The following THRB variants were observed in gnomAD, a reference collection of about 807,000 sequenced individuals.
THRB encodes nuclear receptor subfamily 1 group A member 2.
In THRB, 12 loss-of-function variants were observed where a neutral mutation model predicts 47.8. The observed-to-expected ratio is 0.25, with a 90% CI of 0.16 to 0.41. The LOEUF (loss-of-function observed/expected upper bound fraction) is 0.41. Among genes scored for constraint, THRB ranks in the 10% least tolerant of loss-of-function variants. The pLI, the probability that THRB is intolerant of heterozygous loss-of-function variation, is 1.00. For missense variants in THRB, 348 were observed against 589.2 expected, an observed-to-expected ratio of 0.59 and a Z score of 4.24; for synonymous variants, 218 against 212.2, an observed-to-expected ratio of 1.03 and a Z score of -0.24.
In THRB at chr3:24,382,250, G is replaced by A. The variant is rs137978162; in HGVS notation, c.-260-44879C>T. Among the ~76,000 whole-genome samples the A allele has an allele frequency of 5.5e-4, 84 of 151,932 alleles. No homozygotes were observed. The East Asian group carries it at 0.015, about 28-fold the overall frequency. On this transcript the variant is annotated intron_variant, in intron 1 of 10. Coordinates refer to ENST00000646209, the MANE Select transcript of THRB (RefSeq NM_001354712.2). ...AACTGATAAATTCTAAATACAAAGC[G>A]TCATTAGGAAAAAAAATAAAATAAA...
At chr3:24,170,708 G>GT (rs1367923747) in intron 5 of THRB, among the ~76,000 whole-genome samples, 1 of 152,028 alleles carries the variant, frequency 6.6e-6, no homozygotes, top group African/African-American at 2.4e-5. Context: ...CTTCTCATTT[G>GT]TTTGGATGGA....
At chr3:24,391,866 T>C (rs1038886402) in intron 1 of THRB, among the ~76,000 whole-genome samples, 1 of 152,136 alleles carries the variant, frequency 6.6e-6, no homozygotes, top group Non-Finnish European at 1.5e-5. Context: ...TGACTTACTC[T>C]TCGTAGCGGT....
intron 3 of THRB, among the ~76,000 whole-genome samples, chr3:24,243,726 TTGAC>T (rs1198977761): frequency 6.6e-6 from 1 of 152,130 alleles, no homozygotes; most frequent in Admixed American, 6.5e-5. Flanking sequence ...GCTGCTGTTG[TTGAC>T]TGTTTTTTCT....
chr3:24,326,756 C>CT (rs1174687260), intron 2 of THRB, among the ~76,000 whole-genome samples: 1,035 of 49,958 alleles, frequency 0.021, 218 homozygotes, highest in African/African-American at 0.043. Flanking sequence ...CCAGTCTTGT[C>CT]TTTTTTTTTT....
intron 3 of THRB, among the ~76,000 whole-genome samples, chr3:24,259,026 G>C (rs889948840): frequency 6.6e-6 from 1 of 152,206 alleles, no homozygotes; most frequent in African/African-American, 2.4e-5. Flanking sequence ...TAGCTGAGAA[G>C]CTAACTTGGC....
intron 3 of THRB, among the ~76,000 whole-genome samples, chr3:24,291,883 C>T (rs374062531): frequency 2.2e-4 from 34 of 152,050 alleles, no homozygotes; most frequent in African/African-American, 5.3e-4. Flanking sequence ...ATTTATCCTG[C>T]AGACATAGTC....
chr3:24,214,943 A>G (rs1009353099), intron 4 of THRB, among the ~76,000 whole-genome samples: 1 of 152,204 alleles, frequency 6.6e-6, no homozygotes, highest in African/African-American at 2.4e-5. Flanking sequence ...AGACATAAAT[A>G]TTATCACCCC....
intron 3 of THRB, among the ~76,000 whole-genome samples, chr3:24,277,989 TGC>T (rs2054113737): frequency 2.0e-5 from 3 of 152,220 alleles, no homozygotes; most frequent in Non-Finnish European, 4.4e-5. Context: ...AGTTTCATTA[TGC>T]TGGGTTTTTC....
At chr3:24,277,606 T>C (rs1467155086) in intron 3 of THRB, among the ~76,000 whole-genome samples, 3 of 152,088 alleles carry the variant, frequency 2.0e-5, no homozygotes, top group African/African-American at 7.3e-5. Context: ...AAATCTATGA[T>C]TTATGTGAGT....
chr3:24,400,433 T>C (rs2067300447), intron 1 of THRB, among the ~76,000 whole-genome samples: 2 of 152,036 alleles, frequency 1.3e-5, no homozygotes, highest in African/African-American at 2.4e-5. Context: ...ACAAATTTAG[T>C]ACATCAAAAT....
At chr3:24,470,918 A>G (rs2074520360) in intron 1 of THRB, among the ~76,000 whole-genome samples, 1 of 152,212 alleles carries the variant, frequency 6.6e-6, no homozygotes, top group East Asian at 1.9e-4. Context: ...CACCCGGCCA[A>G]GACTTTTAAC....
At chr3:24,292,818 G>A (rs2056070501) in intron 3 of THRB, among the ~76,000 whole-genome samples, 1 of 152,070 alleles carries the variant, frequency 6.6e-6, no homozygotes, top group African/African-American at 2.4e-5. Flanking sequence ...AGATCCCTCG[G>A]CTCCTGGGCC....
At chr3:24,427,338 T>A (rs2069865925) in intron 1 of THRB, among the ~76,000 whole-genome samples, 2 of 151,966 alleles carry the variant, frequency 1.3e-5, no homozygotes, top group African/African-American at 4.8e-5. Context: ...GACAACTTCC[T>A]CTCTTTTTAA....
chr3:24,233,703 G>GA (rs908612253), intron 3 of THRB, among the ~76,000 whole-genome samples: 1 of 152,194 alleles, frequency 6.6e-6, no homozygotes, highest in Non-Finnish European at 1.5e-5. Flanking sequence ...CTGGACGATG[G>GA]AAAACGTATC....
intron 1 of THRB, among the ~76,000 whole-genome samples, chr3:24,355,507 T>C (rs2063619095): frequency 6.6e-6 from 1 of 152,186 alleles, no homozygotes; most frequent in South Asian, 2.1e-4. Flanking sequence ...TTGAATTTCC[T>C]GGGTTTGATA....
intron 1 of THRB, among the ~76,000 whole-genome samples, chr3:24,356,339 C>G (rs892864343): frequency 6.6e-6 from 1 of 152,118 alleles, no homozygotes; most frequent in African/African-American, 2.4e-5. Flanking sequence ...TAGTGGAAGG[C>G]TGTCTGGCCT....
intron 5 of THRB, among the ~76,000 whole-genome samples, chr3:24,189,128 G>A (rs919394199): frequency 2.6e-5 from 4 of 151,908 alleles, no homozygotes; most frequent in Non-Finnish European, 5.9e-5. Context: ...GTTCAAAGTA[G>A]AGCAGCTGTG....
intron 5 of THRB, among the ~76,000 whole-genome samples, chr3:24,168,201 A>T (rs1210302851): frequency 6.6e-6 from 1 of 152,154 alleles, no homozygotes; most frequent in South Asian, 2.1e-4. Context: ...GGAGCTCAAC[A>T]CTTACATTGA....
chr3:24,154,364 C>T (rs895593978), intron 5 of THRB, among the ~76,000 whole-genome samples: 1 of 152,172 alleles, frequency 6.6e-6, no homozygotes, highest in Non-Finnish European at 1.5e-5. Flanking sequence ...TCTACATGTG[C>T]TTAGCATTGT....
Sources: gnomAD v4.1 joint callset for allele counts (sites outside exome capture counted in the v4.1 genomes callset) on GRCh38, gnomAD v4.1.1 for gene constraint, MANE v1.5 for transcripts, NCBI Gene and HGNC (gene_info 2026-07-23, HGNC 2026-07-21) for gene names.